RPGRIP1: variants seen among roughly 807,000 people sequenced by gnomAD.
RPGRIP1 encodes the protein X-linked retinitis pigmentosa GTPase regulator-interacting protein 1.
In RPGRIP1, 128 loss-of-function variants were observed where a neutral mutation model predicts 157.9. That is an observed-to-expected ratio of 0.81 (90% confidence interval 0.70 to 0.94). The LOEUF is 0.94. Among genes scored for constraint, RPGRIP1 ranks in the 40% least tolerant of loss-of-function variants. The pLI is 0.00. For missense variants in RPGRIP1, 1,486 were observed against 1,545.8 expected (o/e 0.96, Z 0.65); for synonymous variants, 554 against 571.6 (o/e 0.97, Z 0.44).
chr14:21,340,341 A>G (rs1023739442), intron 21 of RPGRIP1, among the ~76,000 whole-genome samples: 4 of 152,206 alleles, frequency 2.6e-5, no homozygotes, highest in Non-Finnish European at 5.9e-5. Flanking sequence ...GCATTGTGCC[A>G]GGCACTAGAT....
intron 2 of RPGRIP1, among the ~76,000 whole-genome samples, chr14:21,289,934 G>T (rs1880454518): frequency 6.6e-6 from 1 of 152,052 alleles, no homozygotes; most frequent in African/African-American, 2.4e-5. Context: ...TCAGCTCACT[G>T]CAACCTCTGC....
At chr14:21,316,421 T>C (rs1881813441) in intron 10 of RPGRIP1, among the ~76,000 whole-genome samples, 1 of 151,972 alleles carries the variant, frequency 6.6e-6, no homozygotes, top group Non-Finnish European at 1.5e-5. Flanking sequence ...CGGTAAGTTA[T>C]TTATTTATTT....
chr14:21,282,553 TCATCC>T (rs1258051707), intron 1 of RPGRIP1, among the ~76,000 whole-genome samples: 2 of 151,086 alleles, frequency 1.3e-5, no homozygotes, highest in Non-Finnish European at 2.9e-5. Context: ...CTTCAGTCTT[TCATCC>T]TGTTGAGTTC....
chr14:21,294,665 C>T lies in RPGRIP1; in HGVS notation c.86-12C>T. On this transcript the variant is annotated splice_polypyrimidine_tract_variant and intron_variant, in intron 2 of 24. Coordinates refer to ENST00000400017, the MANE Select transcript of RPGRIP1 (RefSeq NM_020366.4). ...AAAAATACTGTCCATTTACTGTTTT[C>T]TGGGACTTTAGGTAAGAATATGAAA... 1 of 1,612,092 alleles carries T rather than the reference C, an allele frequency of 6.2e-7. No individual in the cohort carries two copies. The highest frequency in any genetic ancestry group is 8.5e-7 in the Non-Finnish European group (1 of 1,179,072).
At chr14:21,299,740 G>A (rs1880943916) in intron 3 of RPGRIP1, among the ~76,000 whole-genome samples, 1 of 152,218 alleles carries the variant, frequency 6.6e-6, no homozygotes, top group Non-Finnish European at 1.5e-5. Context: ...CGGGCAGTGT[G>A]TCTTAGTCAG....
intron 22 of RPGRIP1, 141 bp from the exon 23 acceptor site, chr14:21,344,972 A>T: frequency 1.6e-6 from 1 of 633,654 alleles, no homozygotes; most frequent in South Asian, 1.7e-5. Context: ...TTTTCAAAGC[A>T]GTTGGTCCAT....
intron 21 of RPGRIP1, among the ~76,000 whole-genome samples, 197 bp from the exon 22 acceptor site, chr14:21,342,839 A>G (rs112256811): frequency 0.014 from 2,199 of 152,226 alleles, 47 homozygotes; most frequent in African/African-American, 0.05. Flanking sequence ...ATTTCCTATC[A>G]ATTAACTATG....
At chr14:21,338,594 T>C (rs1884652002) in intron 21 of RPGRIP1, among the ~76,000 whole-genome samples, 1 of 152,240 alleles carries the variant, frequency 6.6e-6, no homozygotes, top group South Asian at 2.1e-4. Flanking sequence ...TTAGCTCATG[T>C]AAAGAAAGTA....
chr14:21,336,278 T>A (rs1350199850), intron 21 of RPGRIP1, among the ~76,000 whole-genome samples: 2 of 152,168 alleles, frequency 1.3e-5, no homozygotes, highest in African/African-American at 4.8e-5. Flanking sequence ...CTCACACTTG[T>A]AATCCCAGCA....
intron 3 of RPGRIP1, among the ~76,000 whole-genome samples, chr14:21,295,444 C>T (rs1026887898): frequency 5.5e-5 from 8 of 145,874 alleles, no homozygotes; most frequent in Non-Finnish European, 1.2e-4. Flanking sequence ...GCTATCTATA[C>T]ATTTATTTAT....
chr14:21,324,203 C>A, intron 14 of RPGRIP1: 1 of 299,142 alleles, frequency 3.3e-6, no homozygotes, highest in Non-Finnish European at 6.5e-6. Context: ...ACTATGTCTG[C>A]AACTTGCTAT....
Position 21,328,409 on chromosome 14 carries a change from G to A in RPGRIP1, c.2896-15G>A. On this transcript the variant is annotated splice_polypyrimidine_tract_variant and intron_variant, in intron 18 of 24. Transcript: ENST00000400017. Reference sequence around the variant, plus strand: ...ACTACCAGCTTGTAATGCTATCTCTGATCTTTCTATTCAGGATCAGATGGC... The same window carrying A: ...ACTACCAGCTTGTAATGCTATCTCTAATCTTTCTATTCAGGATCAGATGGC... The A allele has an allele frequency of 6.3e-7, 1 of 1,593,512 alleles. No homozygotes were observed.
chr14:21,323,731 GTATAT>G (rs999383706), intron 14 of RPGRIP1, among the ~76,000 whole-genome samples: 5 of 151,912 alleles, frequency 3.3e-5, no homozygotes, highest in African/African-American at 1.2e-4. Flanking sequence ...AAAATTTTAA[GTATAT>G]TATATTTAAT....
Position 21,310,609 on chromosome 14 carries a change from T to C in RPGRIP1, c.930+2T>C. Reference sequence around the variant, plus strand: ...GCATACGAAACCTTGCTCCAGAAGGTACTTAATGAGAATTGAGTCTCTGTT... The same window carrying C: ...GCATACGAAACCTTGCTCCAGAAGGCACTTAATGAGAATTGAGTCTCTGTT... On this transcript the variant is annotated splice_donor_variant, in intron 8 of 24. Coordinates refer to ENST00000400017, the MANE Select transcript of RPGRIP1 (RefSeq NM_020366.4). LOFTEE classifies it high-confidence loss of function. 1 of 1,459,900 alleles carries C rather than the reference T, an allele frequency of 6.8e-7. No individual in the cohort carries two copies. The highest frequency in any genetic ancestry group is 2.4e-5 in the East Asian group (1 of 42,236). 90.4% of individuals were successfully genotyped at this position (1,459,900 alleles called of 1,614,324 possible). A position where few individuals can be genotyped will look rare whatever the true frequency, so the allele number is the denominator to read the frequency against.
At chr14:21,280,732 C>G (rs775431080) in intron 1 of RPGRIP1, among the ~76,000 whole-genome samples, 1 of 152,032 alleles carries the variant, frequency 6.6e-6, no homozygotes, top group Non-Finnish European at 1.5e-5. Context: ...CCCCTCCTTC[C>G]CTAGTTCAAG....
At chr14:21,293,878 C>G (rs12161913) in intron 2 of RPGRIP1, among the ~76,000 whole-genome samples, 1 of 149,524 alleles carries the variant, frequency 6.7e-6, no homozygotes, top group Non-Finnish European at 1.5e-5. Context: ...GACTCCGTCT[C>G]TTAAAAAAAA....
At chr14:21,325,186 C>A (rs754670637) in intron 15 of RPGRIP1, 46 bp from the exon 16 acceptor site, 17 of 1,562,256 alleles carry the variant, frequency 1.1e-5, no homozygotes, top group Non-Finnish European at 9.5e-6. Flanking sequence ...TTGATCCTTG[C>A]CACACCATCT....
chr14:21,298,925 G>GCCTGAGCAACAAA (rs1880908425), intron 3 of RPGRIP1, among the ~76,000 whole-genome samples: 1 of 132,344 alleles, frequency 7.6e-6, no homozygotes, highest in African/African-American at 2.8e-5. Flanking sequence ...GAGCAACAGA[G>GCCTGAGCAACAAA]TGAGACTCTG....
intron 23 of RPGRIP1, among the ~76,000 whole-genome samples, chr14:21,347,578 C>G (rs1422046434): frequency 6.6e-6 from 1 of 152,154 alleles, no homozygotes; most frequent in Non-Finnish European, 1.5e-5. Flanking sequence ...ATTCCTGGCA[C>G]TCTGTATTAG....
Sources: gnomAD v4.1 joint callset for allele counts (sites outside exome capture counted in the v4.1 genomes callset) on GRCh38, gnomAD v4.1.1 for gene constraint, MANE v1.5 for transcripts, NCBI Gene and HGNC (gene_info 2026-07-23, HGNC 2026-07-21) for gene names.